ASIC4: variants seen among roughly 807,000 people sequenced by gnomAD.
ASIC4 encodes the protein acid-sensing ion channel 4.
Under a neutral mutation model 53.4 loss-of-function variants are expected in ASIC4, and 28 were observed. The observed-to-expected ratio is 0.52, with a 90% CI of 0.39 to 0.72. The LOEUF (loss-of-function observed/expected upper bound fraction) is 0.72, where lower values mean the gene tolerates loss of function less well. Among genes scored for constraint, ASIC4 ranks in the 30% least tolerant of loss-of-function variants. The pLI, the probability that ASIC4 is intolerant of heterozygous loss-of-function variation, is 0.00. For synonymous variants in ASIC4, 289 were observed against 301.4 expected (o/e 0.96, Z 0.43); for missense variants, 649 against 729.7 (o/e 0.89, Z 1.27).
chr2:219,530,088 T>C (rs1266124115), intron 1 of ASIC4, among the ~76,000 whole-genome samples: 1 of 152,160 alleles, frequency 6.6e-6, no homozygotes, highest in African/African-American at 2.4e-5. Flanking sequence ...CTTCCAGCTT[T>C]TACCAGTGGG....
intron 1 of ASIC4, among the ~76,000 whole-genome samples, chr2:219,519,782 C>T (rs1157847465): frequency 6.6e-6 from 1 of 152,168 alleles, no homozygotes; most frequent in African/African-American, 2.4e-5. Flanking sequence ...GGGATTACAA[C>T]TGGGACCACA....
upstream of ASIC4, among the ~76,000 whole-genome samples, chr2:219,512,471 A>T (rs945607572): frequency 4.1e-5 from 6 of 147,538 alleles, no homozygotes; most frequent in African/African-American, 1.0e-4. Flanking sequence ...ATCACCTTTT[A>T]AAAAAAACAG....
chr2:219,533,185 G>T, intron 5 of ASIC4: 1 of 572,812 alleles, frequency 1.7e-6, no homozygotes. Context: ...GGGAGTGAAG[G>T]TCTGGGCTTC....
intron 5 of ASIC4, chr2:219,533,600 AGGCTT>A: frequency 6.4e-6 from 1 of 156,616 alleles, no homozygotes; most frequent in Admixed American, 6.1e-5. Context: ...ACATTAGCTG[AGGCTT>A]GATGGGTGTA....
At chr2:219,508,763 A>G in the ASIC4 span, among the ~76,000 whole-genome samples, 1 of 48,916 alleles carries the variant, frequency 2.0e-5, no homozygotes, top group Non-Finnish European at 3.9e-5. Context: ...CAGCCCGGGG[A>G]GGGTCTGGGA....
Position 219,518,017 on chromosome 2 carries a change from C to G in ASIC4, c.582+2711C>G. Among the ~76,000 whole-genome samples, 1 of 152,152 alleles carries G rather than the reference C, an allele frequency of 6.6e-6. No individual in the cohort carries two copies. Among genetic ancestry groups the G allele is most frequent in the Non-Finnish European group, 1.5e-5 (1 of 68,026 alleles). ...TCCCCCAGTCCCCTCTGCTGCTGCT[C>G]TTGCTTCTGTTACCACTGCAATCGC... On this transcript the variant is annotated intron_variant, in intron 1 of 9. Transcript: ENST00000358078. This position sits in a 1 kb window ranked among gnomAD's most constrained non-coding sequence, Gnocchi z 4.8.
chr2:219,538,083 A>AC lies in ASIC4; in HGVS notation c.*41dup. 2 of 1,527,534 alleles carry AC rather than the reference A, an allele frequency of 1.3e-6. No individual in the cohort carries two copies. Among genetic ancestry groups the AC allele is most frequent in the Non-Finnish European group, 9.0e-7 (1 of 1,111,704 alleles). 94.6% of individuals were successfully genotyped at this position (1,527,534 alleles called of 1,614,324 possible). On this transcript the variant is annotated 3_prime_UTR_variant, in exon 10 of 10. Coordinates refer to ENST00000358078, the MANE Select transcript of ASIC4 (RefSeq NM_018674.6). ...GACTGAAAGGACCCAGGAGTCTGGGACCCCTCCTGGGATCCCCAGCACATT... is the reference window on the plus strand; with the variant it reads ...GACTGAAAGGACCCAGGAGTCTGGGACCCCCTCCTGGGATCCCCAGCACATT...
rs986916823 is a variant in ASIC4 at position 219,517,928 on chromosome 2, C to T, written c.582+2622C>T. Among the ~76,000 whole-genome samples, 4 of 152,146 alleles carry T rather than the reference C, an allele frequency of 2.6e-5. No homozygotes were observed. The highest frequency in any genetic ancestry group is 9.7e-5 in the African/African-American group (4 of 41,398). On this transcript the variant is annotated intron_variant, in intron 1 of 9. Coordinates refer to ENST00000358078, the MANE Select transcript of ASIC4 (RefSeq NM_018674.6). This position sits in a 1 kb window ranked among gnomAD's most constrained non-coding sequence, Gnocchi z 4.2. ...ACTCCCCACTCTGCTGTGACCTTTC[C>T]TCTGGAATCCAAGTTAATAAATGTC...
At chr2:219,514,052 G>A, upstream of ASIC4, 1 of 424,070 alleles carries the variant, frequency 2.4e-6, no homozygotes, top group Non-Finnish European at 4.2e-6. Flanking sequence ...CAGGAGGTGG[G>A]GGGATAGAGT....
intron 6 of ASIC4, among the ~76,000 whole-genome samples, 188 bp downstream of exon 6, chr2:219,535,512 G>A (rs1695121486): frequency 6.6e-6 from 1 of 151,370 alleles, no homozygotes; most frequent in Non-Finnish European, 1.5e-5. Flanking sequence ...GTGTGTGTCT[G>A]TGTGGGGGGC....
chr2:219,538,691 AAGG>A lies in ASIC4; in HGVS notation c.*646_*648del. 1 of 155,334 alleles carries A rather than the reference AAGG, an allele frequency of 6.4e-6. No homozygotes were observed. Among genetic ancestry groups the A allele is most frequent in the African/African-American group, 2.4e-5 (1 of 41,436 alleles). 9.6% of individuals were successfully genotyped at this position (155,334 alleles called of 1,614,324 possible). The stretch of plus-strand genomic sequence containing the variant: ...ACTTCGGCTGAGCTTGGAGGGTGGG[AAGG>A]GAGCCTTCTCAGTCCTCTCTCCCTC... On this transcript the variant is annotated 3_prime_UTR_variant, in exon 10 of 10. Coordinates refer to ENST00000358078, the MANE Select transcript of ASIC4 (RefSeq NM_018674.6).
chr2:219,519,897 G>A (rs116349456), intron 1 of ASIC4, among the ~76,000 whole-genome samples: 2,071 of 152,266 alleles, frequency 0.014, 42 homozygotes, highest in Non-Finnish European at 0.021. Flanking sequence ...TGGGGGCTGG[G>A]GGCTGGGGGC....
chr2:219,509,959 G>A (rs766565947), upstream of ASIC4, among the ~76,000 whole-genome samples: 4 of 151,964 alleles, frequency 2.6e-5, no homozygotes, highest in Middle Eastern at 6.8e-3. The surrounding 1 kb of genome is among the most constrained non-coding windows in gnomAD (Gnocchi z 5.2). Flanking sequence ...ATCCTCGGTA[G>A]TGCGTCCCTC....
chr2:219,508,808 G>A, the ASIC4 span, among the ~76,000 whole-genome samples: 7 of 151,762 alleles, frequency 4.6e-5, no homozygotes, highest in African/African-American at 9.7e-5. Context: ...GTGGGAAGTG[G>A]GGGATGAGCG....
intron 1 of ASIC4, among the ~76,000 whole-genome samples, chr2:219,526,109 T>G (rs1314918543): frequency 6.6e-6 from 1 of 152,142 alleles, no homozygotes; most frequent in East Asian, 1.9e-4. Context: ...CTGTGGGCTC[T>G]GCGAGGGAGG....
upstream of ASIC4, among the ~76,000 whole-genome samples, chr2:219,511,014 T>A (rs1694694693): frequency 6.6e-6 from 1 of 151,920 alleles, no homozygotes; most frequent in Non-Finnish European, 1.5e-5. This position sits in a 1 kb window ranked among gnomAD's most constrained non-coding sequence, Gnocchi z 5.3. Flanking sequence ...AGCCCCCCCA[T>A]CCTTGTCCCT....
Position 219,514,733 on chromosome 2 carries a change from C to A in ASIC4, c.9C>A (p.Ile3=). ...CCAGCAGCCGGGGACAGATGCCGAT[C>A]GAGATTGTGTGCAAAATCAAATTTG... MP[I]EIVCKIKFAE... The change falls in exon 1 of 10, where the codon ATC becomes ATA. Residue 3 remains isoleucine, a synonymous_variant. Coordinates refer to ENST00000358078, the MANE Select transcript of ASIC4 (RefSeq NM_018674.6). 1 of 1,613,636 alleles carries A rather than the reference C, an allele frequency of 6.2e-7. No individual in the cohort carries two copies. Among genetic ancestry groups the A allele is most frequent in the South Asian group, 1.1e-5 (1 of 91,074 alleles).
chr2:219,532,197 C>G, intron 3 of ASIC4, 69 bp downstream of exon 3: 1 of 1,603,556 alleles, frequency 6.2e-7, no homozygotes, highest in Non-Finnish European at 8.5e-7. Flanking sequence ...GGATGTGGAG[C>G]AAACCTGCCC....
intron 6 of ASIC4, 119 bp downstream of exon 6, chr2:219,535,443 G>A (rs1481847672): frequency 1.7e-6 from 2 of 1,201,000 alleles, no homozygotes; most frequent in Non-Finnish European, 2.3e-6. Flanking sequence ...GTGTTTGTGT[G>A]TATGTGGGTG....
Sources: allele counts gnomAD v4.1 joint callset (sites outside exome capture counted in the v4.1 genomes callset), GRCh38; gene constraint gnomAD v4.1.1; non-coding constraint Gnocchi (gnomAD v3.1); transcripts MANE v1.5; gene names NCBI Gene and HGNC (gene_info 2026-07-23, HGNC 2026-07-21).